The following USH2A variants were observed in gnomAD, a reference collection of about 807,000 sequenced individuals.
USH2A encodes the protein Usher syndrome 2A (autosomal recessive, mild).
USH2A carries 443 observed loss-of-function variants against 538.9 expected under a neutral mutation model. The observed-to-expected ratio is 0.82, with a 90% CI of 0.76 to 0.89. The LOEUF (loss-of-function observed/expected upper bound fraction) is 0.89. Ranked by LOEUF, USH2A falls within the 40% of genes least tolerant of loss-of-function variation. The probability of loss-of-function intolerance (pLI) is 0.00; values close to 1 mark genes in which losing one functional copy is unlikely to be tolerated. For synonymous variants in USH2A, 2,413 were observed against 2,273.5 expected (o/e 1.06, Z -1.75); for missense variants, 6,633 against 6,324.8 (o/e 1.05, Z -1.65).
intron 41 of USH2A, among the ~76,000 whole-genome samples, chr1:215,879,577 A>G (rs1165286729): frequency 6.6e-6 from 1 of 152,206 alleles, no homozygotes. Flanking sequence ...ATCATTATTC[A>G]TATTTTCCGA....
chr1:215,970,924 C>G, intron 35 of USH2A, 148 bp from the exon 36 acceptor site: 1 of 818,846 alleles, frequency 1.2e-6, no homozygotes, highest in South Asian at 1.5e-5. Flanking sequence ...AACTCTGTCT[C>G]TTACCAAAGG....
intron 3 of USH2A, among the ~76,000 whole-genome samples, chr1:216,417,685 T>C (rs2039600329): frequency 6.6e-6 from 1 of 152,122 alleles, no homozygotes; most frequent in African/African-American, 2.4e-5. Context: ...GCCGTGATTG[T>C]AAGTTTTCTA....
In USH2A at chr1:216,187,270, T is replaced by G. The variant is rs1352532967; in HGVS notation, c.4396+2953A>C. ...TCGCCATGGTGTTAATCCTACCTGT[T>G]GGATCTCAACTCCTTAACCCAAATG... On this transcript the variant is annotated intron_variant, in intron 20 of 71. Coordinates refer to ENST00000307340, the MANE Select transcript of USH2A (RefSeq NM_206933.4). 3.3e-5 allele frequency among the ~76,000 whole-genome samples: 5 copies of G among 151,938 alleles called. No individual in the cohort carries two copies. In the East Asian group the frequency reaches 9.7e-4, roughly 29 times the overall value.
At chr1:215,674,060 C>T (rs771838039) in intron 63 of USH2A, 40 bp downstream of exon 63, 1 of 1,613,570 alleles carries the variant, frequency 6.2e-7, no homozygotes, top group Non-Finnish European at 8.5e-7. Flanking sequence ...GAAAGGTCAG[C>T]AGTGGCTTAC....
rs553956503 is a variant in USH2A at position 215,674,262 on chromosome 1, A to C, written c.13649T>G (p.Val4550Gly). The change falls in exon 63 of 72, where the codon GTG becomes GGG. Residue 4550 changes from valine (V) to glycine (G), a missense_variant. Transcript: ENST00000307340. ...LQARGPQEIL[V>G]NWDPPVRTNG... ...TGTTCTCACTGGAGGGTCCCAGTTC[A>C]CTAAGATCTCCTGAGGACCCCTGGC... The C allele has an allele frequency of 1.6e-4, 259 of 1,614,132 alleles. 1 individual carries two copies. The South Asian group carries it at 2.7e-3, about 17-fold the overall frequency.
At chr1:215,966,927 G>A (rs1558186184) in intron 36 of USH2A, among the ~76,000 whole-genome samples, 2 of 151,964 alleles carry the variant, frequency 1.3e-5, no homozygotes, top group Non-Finnish European at 1.5e-5. Context: ...TTAAATATTT[G>A]GATAAACACT....
At chr1:216,146,702 G>A (rs569251393) in intron 21 of USH2A, among the ~76,000 whole-genome samples, 8 of 151,648 alleles carry the variant, frequency 5.3e-5, no homozygotes, top group South Asian at 4.2e-4. Context: ...CCTTATTTCC[G>A]TGTCCCAACC....
intron 70 of USH2A, among the ~76,000 whole-genome samples, chr1:215,633,475 G>A (rs1656376712): frequency 6.6e-6 from 1 of 152,188 alleles, no homozygotes; most frequent in South Asian, 2.1e-4. Context: ...TTAACCAGTG[G>A]TCATTCATTG....
chr1:215,713,178 A>G (rs564849356), intron 61 of USH2A, among the ~76,000 whole-genome samples: 1 of 152,304 alleles, frequency 6.6e-6, no homozygotes. Context: ...ACACACTATG[A>G]CACCATGATA....
intron 49 of USH2A, among the ~76,000 whole-genome samples, chr1:215,812,145 A>T (rs1391014188): frequency 6.7e-6 from 1 of 149,544 alleles, no homozygotes; most frequent in Non-Finnish European, 1.5e-5. Context: ...CCACACGCCC[A>T]GTTAATTTTT....
At chr1:216,255,875 T>C (rs376576552) in intron 11 of USH2A, among the ~76,000 whole-genome samples, 1 of 152,182 alleles carries the variant, frequency 6.6e-6, no homozygotes, top group East Asian at 1.9e-4. Context: ...TCAGTTACGT[T>C]AGTTTTTGCT....
chr1:215,675,527 G>A lies in USH2A; in HGVS notation c.12384C>T (p.Tyr4128=), dbSNP rs898874936. Reference sequence around the variant, plus strand: ...TGGTGCAGGCCTCCAGGGTCAGTGTGTAGAGAGTGAAAGGATCCAGGCGGC... The same window carrying A: ...TGGTGCAGGCCTCCAGGGTCAGTGTATAGAGAGTGAAAGGATCCAGGCGGC... ...LFRRLDPFTL[Y]TLTLEACTRA... The change falls in exon 63 of 72, where the codon TAC becomes TAT. Residue 4128 remains tyrosine (Y), a synonymous_variant. Coordinates refer to ENST00000307340, the MANE Select transcript of USH2A (RefSeq NM_206933.4). 9 of 1,613,948 alleles carry A rather than the reference G, an allele frequency of 5.6e-6. No individual in the cohort carries two copies. In the African/African-American group the frequency reaches 1.1e-4, roughly 19 times the overall value.
chr1:215,816,241 A>C (rs187449374), intron 48 of USH2A, among the ~76,000 whole-genome samples: 1 of 152,194 alleles, frequency 6.6e-6, no homozygotes, highest in African/African-American at 2.4e-5. Context: ...GCATAATGAT[A>C]ATTTTAGAGT....
chr1:215,757,765 G>C (rs905042615), intron 58 of USH2A, among the ~76,000 whole-genome samples: 9 of 152,094 alleles, frequency 5.9e-5, no homozygotes, highest in African/African-American at 2.2e-4. Context: ...ACCCAATAAT[G>C]ACTAAATGGC....
chr1:216,318,231 G>A (rs1249426088), intron 9 of USH2A, among the ~76,000 whole-genome samples: 1 of 152,166 alleles, frequency 6.6e-6, no homozygotes, highest in African/African-American at 2.4e-5. Flanking sequence ...ATTATTAATG[G>A]ATAGCATAAC....
Position 215,879,047 on chromosome 1 carries a change from T to C in USH2A, c.8275A>G (p.Ile2759Val), listed in dbSNP as rs373609391. 6.4e-5 allele frequency: 103 copies of C among 1,613,942 alleles called. No homozygotes were observed. The highest frequency in any genetic ancestry group is 8.2e-5 in the Non-Finnish European group (97 of 1,179,964). ...GTGATGTGAGGGTCAGGCATGTGAATCTCATAGCTAAGTATGTCTCCGTTC... is the reference window on the plus strand; with the variant it reads ...GTGATGTGAGGGTCAGGCATGTGAACCTCATAGCTAAGTATGTCTCCGTTC... ...IQNGDILSYEIHMPDPHITLT... is the reference protein window; with the variant it reads ...IQNGDILSYEVHMPDPHITLT... Residue 2759 changes from isoleucine (I) to valine (V), a missense_variant, in exon 42 of 72, where the codon ATT (isoleucine) becomes GTT (valine). Transcript: ENST00000307340.
At chr1:216,083,392 G>A (rs999927034) in intron 26 of USH2A, 64 bp downstream of exon 26, 29 of 1,550,156 alleles carry the variant, frequency 1.9e-5, no homozygotes, top group Non-Finnish European at 2.5e-5. Context: ...CCAACACATG[G>A]TTTATTTATT....
intron 64 of USH2A, among the ~76,000 whole-genome samples, chr1:215,668,039 G>C (rs1051673883): frequency 2.6e-5 from 4 of 152,158 alleles, no homozygotes; most frequent in African/African-American, 9.7e-5. Flanking sequence ...CCACTGCTAG[G>C]AAGTTTCTCA....
At chr1:216,077,364 C>A (rs112785714) in intron 27 of USH2A, among the ~76,000 whole-genome samples, 3,776 of 152,062 alleles carry the variant, frequency 0.025, 163 homozygotes, top group African/African-American at 0.085. Flanking sequence ...AAGTCAACCA[C>A]ATACACCCCA....
Sources: gnomAD v4.1 joint callset for allele counts (sites outside exome capture counted in the v4.1 genomes callset) on GRCh38, gnomAD v4.1.1 for gene constraint, MANE v1.5 for transcripts, NCBI Gene and HGNC (gene_info 2026-07-23, HGNC 2026-07-21) for gene names.